FBXL17: variants seen among roughly 807,000 people sequenced by gnomAD.
FBXL17 encodes the protein F-box/LRR-repeat protein 17.
Under a neutral mutation model 66.2 loss-of-function variants are expected in FBXL17, and 22 were observed. The ratio of observed to expected loss-of-function variants is 0.33; its 90% CI spans 0.24 to 0.47. The LOEUF (loss-of-function observed/expected upper bound fraction) is 0.47, where lower values mean the gene tolerates loss of function less well. Among genes scored for constraint, FBXL17 ranks in the 20% least tolerant of loss-of-function variants. FBXL17 has a pLI of 1.00. For missense variants in FBXL17, 878 were observed against 948.2 expected (o/e 0.93, Z 0.97); for synonymous variants, 474 against 400.5 (o/e 1.18, Z -2.19).
chr5:108,262,107 C>T (rs1348829202), intron 4 of FBXL17, among the ~76,000 whole-genome samples: 5 of 144,160 alleles, frequency 3.5e-5, no homozygotes, highest in East Asian at 2.1e-4. Flanking sequence ...GACAGAGTCT[C>T]GCTCTGTCGC....
At chr5:108,048,256 A>G (rs546281104) in intron 6 of FBXL17, among the ~76,000 whole-genome samples, 18 of 152,282 alleles carry the variant, frequency 1.2e-4, no homozygotes, top group Admixed American at 9.8e-4. Context: ...AGCAACAACA[A>G]CAGCATCAAC....
In FBXL17 at chr5:107,881,145, T is replaced by C. The variant is rs1481924730; in HGVS notation, c.1857A>G (p.Ile619Met). 1 of 1,613,164 alleles carries C rather than the reference T, an allele frequency of 6.2e-7. No homozygotes were observed. Among genetic ancestry groups the C allele is most frequent in the Non-Finnish European group, 8.5e-7 (1 of 1,179,416 alleles). ...LIAIGRYSMTIETVDVGWCKE... is the reference protein window; with the variant it reads ...LIAIGRYSMTMETVDVGWCKE... ...TACACCATCCGACATCCACAGTCTC[T>C]ATTGTCATGCTGTATCGCCCAATGG... Residue 619 changes from isoleucine (I) to methionine (M), a missense_variant, in exon 8 of 9, where the codon ATA becomes ATG. Ile to Met is a conservative substitution (Grantham distance 10, BLOSUM62 1). Around this residue, in one of 4 missense-constraint regions of FBXL17, gnomAD observed 236 missense variants for 389.1 expected, o/e 0.61. Transcript: ENST00000542267.
At chr5:108,084,688 A>T (rs1287716097) in intron 6 of FBXL17, among the ~76,000 whole-genome samples, 1 of 152,312 alleles carries the variant, frequency 6.6e-6, no homozygotes, top group East Asian at 1.9e-4. Context: ...CTCAGAAGAG[A>T]TTCTCTAATT....
At position 108,153,629 on chromosome 5, in the gene FBXL17, C is replaced by G. The variant is rs572008616; in HGVS notation, c.1745+32488G>C. Among the ~76,000 whole-genome samples, 178 of 152,222 alleles carry G rather than the reference C, an allele frequency of 1.2e-3. 2 individuals carry two copies. The highest frequency in any genetic ancestry group is 2.1e-3 in the Non-Finnish European group (142 of 68,006). On this transcript the variant is annotated intron_variant, in intron 6 of 8. Transcript: ENST00000542267. ...TAACCCCACAGTTCCATGATCAGCA[C>G]TTGGTCCATGGACAATAACATCTGT...
At chr5:108,075,686 AG>A (rs1481638038) in intron 6 of FBXL17, among the ~76,000 whole-genome samples, 2 of 152,296 alleles carry the variant, frequency 1.3e-5, no homozygotes, top group Non-Finnish European at 2.9e-5. Flanking sequence ...CATGTTGGCC[AG>A]GCTGGTCTCG....
At chr5:108,191,456 G>A (rs1475656388) in intron 5 of FBXL17, among the ~76,000 whole-genome samples, 1 of 152,132 alleles carries the variant, frequency 6.6e-6, no homozygotes, top group African/African-American at 2.4e-5. Flanking sequence ...ATATCAACAA[G>A]AAGATGGTGA....
intron 7 of FBXL17, among the ~76,000 whole-genome samples, chr5:107,975,588 A>G (rs1752545944): frequency 6.6e-6 from 1 of 152,160 alleles, no homozygotes; most frequent in East Asian, 1.9e-4. Context: ...ACTCTATTAT[A>G]TTAAAAAGTA....
chr5:108,169,725 C>T (rs1488309902), intron 6 of FBXL17, among the ~76,000 whole-genome samples: 1 of 152,150 alleles, frequency 6.6e-6, no homozygotes, highest in African/African-American at 2.4e-5. Context: ...TGTCTACCCC[C>T]AATAAATGAA....
At chr5:108,368,013 G>C in intron 1 of FBXL17, 60 bp from the exon 2 acceptor site, 3 of 1,452,972 alleles carry the variant, frequency 2.1e-6, no homozygotes, top group Non-Finnish European at 2.8e-6. Context: ...CACAGGAAAA[G>C]GTTTTTATTA....
rs191618058 is a variant in FBXL17, at chr5:108,085,701, G to A, written c.1746-64700C>T. On this transcript the variant is annotated intron_variant, in intron 6 of 8. Coordinates refer to ENST00000542267, the MANE Select transcript of FBXL17 (RefSeq NM_001163315.3). ...TGTAATCCAAGCACACTGGGAGGCA[G>A]AGACAAGTGGATGGCTTGAGTCCAG... is the stretch of plus-strand genomic sequence containing the variant. 2.1e-3 allele frequency among the ~76,000 whole-genome samples: 319 copies of A among 152,304 alleles called. 3 individuals are homozygous for A. Among genetic ancestry groups the A allele is most frequent in the Admixed American group, 0.016 (246 of 15,302 alleles).
chr5:108,379,557 G>C (rs781485353), intron 1 of FBXL17, among the ~76,000 whole-genome samples: 4 of 152,138 alleles, frequency 2.6e-5, no homozygotes, highest in Non-Finnish European at 4.4e-5. Context: ...AAAAAGTCTA[G>C]TCAAAGAAAC....
intron 6 of FBXL17, among the ~76,000 whole-genome samples, chr5:108,107,750 T>C (rs917854358): frequency 1.1e-4 from 16 of 147,128 alleles, no homozygotes; most frequent in Admixed American, 9.1e-4. Flanking sequence ...AGGCAGAGCT[T>C]GCAGTGAGCT....
intron 4 of FBXL17, among the ~76,000 whole-genome samples, chr5:108,232,674 C>T (rs1022352956): frequency 9.3e-5 from 14 of 150,268 alleles, no homozygotes; most frequent in Non-Finnish European, 2.1e-4. Flanking sequence ...CATTGGACTC[C>T]AAGTTCTTCA....
intron 3 of FBXL17, among the ~76,000 whole-genome samples, chr5:108,362,365 A>G (rs976535868): frequency 4.6e-5 from 7 of 152,232 alleles, no homozygotes; most frequent in Middle Eastern, 3.4e-3. Context: ...CAATGCATAC[A>G]ATTTCTTAGA....
chr5:108,245,125 T>G (rs1389342333), intron 4 of FBXL17, among the ~76,000 whole-genome samples: 1 of 152,168 alleles, frequency 6.6e-6, no homozygotes, highest in Non-Finnish European at 1.5e-5. Context: ...TAGACTTGAT[T>G]TAAATGTATA....
At chr5:107,929,061 C>T (rs1750636350) in intron 7 of FBXL17, among the ~76,000 whole-genome samples, 1 of 152,070 alleles carries the variant, frequency 6.6e-6, no homozygotes, top group Non-Finnish European at 1.5e-5. Context: ...GGGGAAATAA[C>T]ACAAGGCAAT....
At position 107,956,719 on chromosome 5, in the gene FBXL17, G is replaced by A. The variant is rs181847099; in HGVS notation, c.1822+64206C>T. On this transcript the variant is annotated intron_variant, in intron 7 of 8. Transcript: ENST00000542267. ...GGTCCACAGAATGTACCTCAGAACA[G>A]CAGCCAATAAAAGAAACTGACTACT... Among the ~76,000 whole-genome samples the A allele has an allele frequency of 2.7e-3, 415 of 152,194 alleles. 1 individual carries two copies. The highest frequency in any genetic ancestry group is 7.1e-3 in the Admixed American group (108 of 15,266).
chr5:108,274,854 T>A (rs1009398340), intron 4 of FBXL17, among the ~76,000 whole-genome samples: 1 of 152,218 alleles, frequency 6.6e-6, no homozygotes, highest in Non-Finnish European at 1.5e-5. Flanking sequence ...ATTTTGTATG[T>A]TACAACTTTT....
intron 6 of FBXL17, among the ~76,000 whole-genome samples, chr5:108,090,603 T>A (rs1047616107): frequency 6.6e-6 from 1 of 152,212 alleles, no homozygotes; most frequent in Admixed American, 6.5e-5. Flanking sequence ...TGAATGAACA[T>A]GGGTGTGTTC....
Sources: allele counts gnomAD v4.1 joint callset (sites outside exome capture counted in the v4.1 genomes callset), GRCh38; gene constraint gnomAD v4.1.1; regional missense constraint gnomAD v4.1.1; transcripts MANE v1.5; gene names NCBI Gene and HGNC (gene_info 2026-07-23, HGNC 2026-07-21).